Variants in TTLL1 observed in about 807,000 individuals in gnomAD.
The protein encoded by TTLL1 is polyglutamylase complex subunit TTLL1.
TTLL1 carries 33 observed loss-of-function variants against 47.8 expected under a neutral mutation model. The observed-to-expected ratio is 0.69, with a 90% confidence interval of 0.52 to 0.92. TTLL1 has a LOEUF of 0.92. Among genes scored for constraint, TTLL1 ranks in the 40% least tolerant of loss-of-function variants. The pLI, the probability that TTLL1 is intolerant of heterozygous loss-of-function variation, is 0.00. For missense variants in TTLL1, 488 were observed against 547.5 expected (o/e 0.89, Z 1.08); for synonymous variants, 225 against 214.1 (o/e 1.05, Z -0.45).
At chr22:43,069,951 A>C in intron 3 of TTLL1, 107 bp from the exon 4 acceptor site, 1 of 1,468,852 alleles carries the variant, frequency 6.8e-7, no homozygotes, top group Non-Finnish European at 9.1e-7. Flanking sequence ...CTTCACCACT[A>C]CTCCCACATC....
At chr22:43,050,687 C>A (rs560169844) in intron 9 of TTLL1, among the ~76,000 whole-genome samples, 5 of 152,004 alleles carry the variant, frequency 3.3e-5, no homozygotes, top group Admixed American at 3.3e-4. Flanking sequence ...CACACCTGGG[C>A]AATTTTTTAA....
Position 43,070,653 on chromosome 22 carries a change from T to A in TTLL1, c.114-809A>T, listed in dbSNP as rs62231648. ...GACTTTTTATTATGGAAAACCTCCA[T>A]CACACTCAGAAGGAGAGAGAAAGCG... is the stretch of plus-strand genomic sequence containing the variant. On this transcript the variant is annotated intron_variant, in intron 3 of 10. Transcript: ENST00000266254. Among the ~76,000 whole-genome samples, 1,121 of 152,174 alleles carry A rather than the reference T, an allele frequency of 7.4e-3. 10 individuals are homozygous for A. The highest frequency in any genetic ancestry group is 0.012 in the Non-Finnish European group (796 of 68,018).
intron 4 of TTLL1, among the ~76,000 whole-genome samples, chr22:43,069,087 T>C (rs12170503): frequency 0.02 from 2,971 of 151,794 alleles, 123 homozygotes; most frequent in African/African-American, 0.068. Flanking sequence ...TTACACAAAG[T>C]CCATGCTGGC....
chr22:43,049,046 G>A (rs967044893), intron 9 of TTLL1, among the ~76,000 whole-genome samples: 2 of 152,088 alleles, frequency 1.3e-5, no homozygotes, highest in Non-Finnish European at 2.9e-5. Flanking sequence ...TTCACTATTT[G>A]GGTGACGGGC....
chr22:43,065,069 C>T (rs1927640985), intron 5 of TTLL1, among the ~76,000 whole-genome samples: 1 of 151,788 alleles, frequency 6.6e-6, no homozygotes, highest in South Asian at 2.1e-4. Context: ...CGCTTGAACC[C>T]GGGAGGCAGA....
Position 43,039,679 on chromosome 22 carries a change from A to C in TTLL1, c.*97T>G. 7.0e-7 allele frequency: 1 copy of C among 1,438,348 alleles called. No individual in the cohort carries two copies. Among genetic ancestry groups the C allele is most frequent in the Non-Finnish European group, 9.2e-7 (1 of 1,084,296 alleles). The allele number at this position is 1,438,348 out of a possible 1,614,324, so 89.1% of individuals were successfully genotyped here. A position where few individuals can be genotyped will look rare whatever the true frequency, so the allele number is the denominator to read the frequency against. On this transcript the variant is annotated 3_prime_UTR_variant, in exon 11 of 11. Transcript: ENST00000266254. ...GTGCCTTCGTTTATTTACAGGGCTT[A>C]GGAAAGGAAAAAAGCTCTACAAAAG... is the stretch of plus-strand genomic sequence containing the variant.
In TTLL1 at chr22:43,048,400, C is replaced by T. The variant is rs543851458; in HGVS notation, c.979-1827G>A. Reference sequence around the variant, plus strand: ...CTATAACTCCAGCACTTTGGGAGGCCGAGGTGGAGGGATCGCTTGAAGCTA... The same window carrying T: ...CTATAACTCCAGCACTTTGGGAGGCTGAGGTGGAGGGATCGCTTGAAGCTA... On this transcript the variant is annotated intron_variant, in intron 9 of 10. Transcript: ENST00000266254. 1.5e-3 allele frequency among the ~76,000 whole-genome samples: 217 copies of T among 148,890 alleles called. 1 individual carries two copies. Among genetic ancestry groups the T allele is most frequent in the Middle Eastern group, 3.6e-3 (1 of 278 alleles).
chr22:43,060,257 C>T (rs933707655), intron 7 of TTLL1, among the ~76,000 whole-genome samples: 3 of 152,214 alleles, frequency 2.0e-5, no homozygotes, highest in African/African-American at 7.2e-5. Flanking sequence ...AGCTGAGACC[C>T]ACCCTCACTG....
chr22:43,062,911 C>A (rs1267906409), intron 7 of TTLL1, among the ~76,000 whole-genome samples: 2 of 152,148 alleles, frequency 1.3e-5, no homozygotes, highest in Non-Finnish European at 2.9e-5. Flanking sequence ...AGAACACTTA[C>A]AATAGCCTGA....
intron 9 of TTLL1, 40 bp from the exon 10 acceptor site, chr22:43,046,613 C>T (rs372352782): frequency 8.7e-6 from 14 of 1,601,404 alleles, no homozygotes; most frequent in South Asian, 2.2e-5. Flanking sequence ...CTGTGTCTCT[C>T]GCTCTTTTGG....
At chr22:43,044,899 G>T (rs1328096437) in intron 10 of TTLL1, among the ~76,000 whole-genome samples, 1 of 149,776 alleles carries the variant, frequency 6.7e-6, no homozygotes, top group Non-Finnish European at 1.5e-5. Flanking sequence ...GTCTCACTCT[G>T]TCGCCCAGGC....
At chr22:43,057,278 TAAAA>T (rs11343949) in intron 8 of TTLL1, among the ~76,000 whole-genome samples, 6 of 132,304 alleles carry the variant, frequency 4.5e-5, no homozygotes, top group Admixed American at 1.5e-4. Context: ...CAAATTAAAT[TAAAA>T]AAAAAAAAAA....
At chr22:43,051,966 G>T in intron 8 of TTLL1, 79 bp from the exon 9 acceptor site, 1 of 1,405,334 alleles carries the variant, frequency 7.1e-7, no homozygotes, top group Non-Finnish European at 1.0e-6. Flanking sequence ...AGACAAGCAG[G>T]ATCGTCCCAC....
intron 1 of TTLL1, among the ~76,000 whole-genome samples, chr22:43,085,646 T>C (rs1283809268): frequency 6.6e-6 from 1 of 152,230 alleles, no homozygotes; most frequent in Non-Finnish European, 1.5e-5. Flanking sequence ...ATTAAACCTC[T>C]TCCTTTTATA....
intron 3 of TTLL1, among the ~76,000 whole-genome samples, chr22:43,075,256 G>A (rs1402183688): frequency 1.3e-5 from 2 of 151,494 alleles, no homozygotes; most frequent in Non-Finnish European, 2.9e-5. Context: ...TTGCTGTGCT[G>A]AAACACCCCG....
At chr22:43,061,215 A>G (rs554390748) in intron 7 of TTLL1, among the ~76,000 whole-genome samples, 13 of 151,512 alleles carry the variant, frequency 8.6e-5, no homozygotes, top group African/African-American at 3.2e-4. Context: ...ATAAATACAT[A>G]AATAAAAAAT....
chr22:43,055,889 G>T (rs1343535876), intron 8 of TTLL1, among the ~76,000 whole-genome samples: 1 of 151,754 alleles, frequency 6.6e-6, no homozygotes, highest in Non-Finnish European at 1.5e-5. Flanking sequence ...TTTCCACAGA[G>T]AATGTTTCTT....
At chr22:43,075,349 G>T (rs1472301339) in intron 3 of TTLL1, 125 bp downstream of exon 3, 2 of 792,816 alleles carry the variant, frequency 2.5e-6, no homozygotes, top group African/African-American at 1.7e-5. Context: ...GGAAAAATGT[G>T]TGCGGGGAGA....
At position 43,069,817 on chromosome 22, in the gene TTLL1, C is replaced by T. The variant is rs369206746; in HGVS notation, c.141G>A (p.Val47=). 6.2e-6 allele frequency: 10 copies of T among 1,614,090 alleles called. No homozygotes were observed. In the African/African-American group the frequency reaches 1.2e-4, roughly 19 times the overall value. The change falls in exon 4 of 11, where the codon GTG becomes GTA. Residue 47 remains valine, a synonymous_variant. Coordinates refer to ENST00000266254, the MANE Select transcript of TTLL1 (RefSeq NM_012263.5). The part of the protein sequence containing the change: ...YWMSVQTIRN[V]FSVEAGYRLS... ...GCCGATATCCAGCTTCAACGCTGAA[C>T]ACATTTCGGATGGTTTGCACACTCA...
Sources: gnomAD v4.1 joint callset for allele counts (sites outside exome capture counted in the v4.1 genomes callset) on GRCh38, gnomAD v4.1.1 for gene constraint, MANE v1.5 for transcripts, NCBI Gene and HGNC (gene_info 2026-07-23, HGNC 2026-07-21) for gene names.